The following ATP8A2 variants were observed in gnomAD, a reference collection of about 807,000 sequenced individuals.
The protein encoded by ATP8A2 is ATPase phospholipid transporting 8A2, also known as phospholipid-transporting ATPase IB.
In ATP8A2, 100 loss-of-function variants were observed where a neutral mutation model predicts 165.6. The ratio of observed to expected loss-of-function variants is 0.60; its 90% CI spans 0.51 to 0.71. ATP8A2 has a LOEUF of 0.71. Ranked by LOEUF, ATP8A2 falls within the 30% of genes least tolerant of loss-of-function variation. The pLI, the probability that ATP8A2 is intolerant of heterozygous loss-of-function variation, is 0.00. For synonymous variants in ATP8A2, 543 were observed against 548.8 expected (o/e 0.99, Z 0.15); for missense variants, 1,227 against 1,479.5 (o/e 0.83, Z 2.80).
At chr13:25,896,299 T>A (rs1335442083) in intron 33 of ATP8A2, among the ~76,000 whole-genome samples, 5 of 152,342 alleles carry the variant, frequency 3.3e-5, no homozygotes, top group Non-Finnish European at 4.4e-5. Context: ...TACCCAGTAG[T>A]CATTCAGGAG....
At chr13:25,769,609 T>C (rs542633610) in intron 26 of ATP8A2, among the ~76,000 whole-genome samples, 76 of 152,348 alleles carry the variant, frequency 5.0e-4, no homozygotes, top group African/African-American at 1.8e-3. Flanking sequence ...ATGACAGCCT[T>C]TCTCTATAAT....
At chr13:25,974,197 C>T (rs763632826) in intron 35 of ATP8A2, among the ~76,000 whole-genome samples, 7 of 152,182 alleles carry the variant, frequency 4.6e-5, no homozygotes, top group East Asian at 1.9e-4. Flanking sequence ...ATCATACATT[C>T]GCTTTGAGGT....
At chr13:25,590,309 C>T (rs1312878717) in intron 24 of ATP8A2, among the ~76,000 whole-genome samples, 2 of 152,094 alleles carry the variant, frequency 1.3e-5, no homozygotes, top group African/African-American at 4.8e-5. Context: ...CCTGTAGTCC[C>T]AGCTGCTTGG....
chr13:25,571,188 A>G (rs560138641), intron 17 of ATP8A2, among the ~76,000 whole-genome samples: 25 of 152,288 alleles, frequency 1.6e-4, no homozygotes, highest in African/African-American at 6.0e-4. Context: ...TCCCCACCTC[A>G]TAGATTTTCC....
intron 33 of ATP8A2, among the ~76,000 whole-genome samples, chr13:25,866,543 A>C (rs1952512552): frequency 6.6e-6 from 1 of 152,170 alleles, no homozygotes; most frequent in Non-Finnish European, 1.5e-5. Flanking sequence ...CCTGCATCCA[A>C]ATCATCTGGG....
intron 2 of ATP8A2, among the ~76,000 whole-genome samples, chr13:25,483,504 C>G (rs1197693329): frequency 6.6e-6 from 1 of 152,006 alleles, no homozygotes; most frequent in Admixed American, 6.6e-5. Flanking sequence ...AGACACCAAA[C>G]TTTTGACAGA....
intron 35 of ATP8A2, among the ~76,000 whole-genome samples, chr13:25,971,145 G>T (rs566186216): frequency 6.6e-6 from 1 of 151,766 alleles, no homozygotes. Context: ...ACACAGTTTG[G>T]GGGCTCTGCC....
At chr13:25,374,681 A>C (rs1469906233) in intron 1 of ATP8A2, among the ~76,000 whole-genome samples, 1 of 152,138 alleles carries the variant, frequency 6.6e-6, no homozygotes, top group Non-Finnish European at 1.5e-5. Flanking sequence ...ATAGGCTGAA[A>C]GTTCCAGGAG....
chr13:25,440,539 C>T (rs2034904625), intron 1 of ATP8A2, among the ~76,000 whole-genome samples: 1 of 152,246 alleles, frequency 6.6e-6, no homozygotes, highest in Non-Finnish European at 1.5e-5. Flanking sequence ...TACTTAGAAA[C>T]GTCACTGCTG....
chr13:25,850,371 C>A (rs370926905), intron 30 of ATP8A2, among the ~76,000 whole-genome samples: 1 of 151,932 alleles, frequency 6.6e-6, no homozygotes, highest in Non-Finnish European at 1.5e-5. Flanking sequence ...CTGACCTCAC[C>A]GCTGTAGCCC....
intron 25 of ATP8A2, among the ~76,000 whole-genome samples, chr13:25,762,798 A>T (rs959716755): frequency 1.3e-5 from 2 of 152,338 alleles, no homozygotes; most frequent in African/African-American, 4.8e-5. Flanking sequence ...AGAAAAACAT[A>T]TTCCCCCATG....
intron 25 of ATP8A2, among the ~76,000 whole-genome samples, chr13:25,745,640 C>T (rs1196026167): frequency 6.6e-6 from 1 of 152,134 alleles, no homozygotes. Context: ...GGAGTGTTTA[C>T]AAGTGGAGTA....
chr13:25,978,026 T>C (rs1956096937), intron 35 of ATP8A2, among the ~76,000 whole-genome samples: 1 of 152,224 alleles, frequency 6.6e-6, no homozygotes, highest in South Asian at 2.1e-4. Context: ...CAAGACTTTT[T>C]TTCAAGAACC....
intron 2 of ATP8A2, among the ~76,000 whole-genome samples, chr13:25,508,211 C>A (rs1401758464): frequency 2.0e-5 from 3 of 152,140 alleles, no homozygotes; most frequent in Admixed American, 6.5e-5. Context: ...AATTTATGCT[C>A]CTCTAGGAAC....
At chr13:25,822,020 A>G (rs1168122831) in intron 27 of ATP8A2, among the ~76,000 whole-genome samples, 2 of 152,210 alleles carry the variant, frequency 1.3e-5, no homozygotes, top group African/African-American at 4.8e-5. Context: ...GAAAGTTGCC[A>G]TGCATATATG....
chr13:26,011,350 C>T (rs1017714579), intron 35 of ATP8A2, among the ~76,000 whole-genome samples: 2 of 152,172 alleles, frequency 1.3e-5, no homozygotes, highest in African/African-American at 4.8e-5. Flanking sequence ...TCCTCATCTC[C>T]TCTTCTTATT....
chr13:25,641,290 A>C (rs1299440235), intron 24 of ATP8A2, among the ~76,000 whole-genome samples: 18 of 152,330 alleles, frequency 1.2e-4, no homozygotes, highest in Non-Finnish European at 1.5e-5. Context: ...AAGGATATTC[A>C]ATTAGGAAAA....
At chr13:25,853,249 G>A (rs150907778) in intron 30 of ATP8A2, among the ~76,000 whole-genome samples, 8 of 151,584 alleles carry the variant, frequency 5.3e-5, no homozygotes, top group African/African-American at 7.3e-5. Flanking sequence ...AAAATTAACC[G>A]GGTATAGTGA....
At chr13:25,789,894 G>A (rs905751946) in intron 27 of ATP8A2, among the ~76,000 whole-genome samples, 3 of 152,184 alleles carry the variant, frequency 2.0e-5, no homozygotes, top group Non-Finnish European at 4.4e-5. Context: ...AAAGACCAAG[G>A]GAACAGAATA....
Sources: gnomAD v4.1 joint callset for allele counts (sites outside exome capture counted in the v4.1 genomes callset) on GRCh38, gnomAD v4.1.1 for gene constraint, MANE v1.5 for transcripts, NCBI Gene and HGNC (gene_info 2026-07-23, HGNC 2026-07-21) for gene names.